The following PEX5L variants were observed in gnomAD, a reference collection of about 807,000 sequenced individuals.
PEX5L encodes the protein PEX5-related protein.
Under a neutral mutation model 84.0 loss-of-function variants are expected in PEX5L, and 30 were observed. That is an observed-to-expected ratio of 0.36 (90% CI 0.27 to 0.48). PEX5L has a LOEUF of 0.48. PEX5L is among the 20% of genes least tolerant of loss of function. The pLI, the probability that PEX5L is intolerant of heterozygous loss-of-function variation, is 0.99. For missense variants in PEX5L, 533 were observed against 754.6 expected, an observed-to-expected ratio of 0.71 and a Z score of 3.44; for synonymous variants, 270 against 283.1, an observed-to-expected ratio of 0.95 and a Z score of 0.46.
intron 1 of PEX5L, among the ~76,000 whole-genome samples, chr3:180,013,205 GC>G (rs2110476505): frequency 6.6e-6 from 1 of 152,246 alleles, no homozygotes; most frequent in Non-Finnish European, 1.5e-5. Context: ...ATATGCCCTA[GC>G]AATGTATTAC....
At chr3:179,861,050 G>A (rs1387890305) in intron 7 of PEX5L, among the ~76,000 whole-genome samples, 2 of 152,166 alleles carry the variant, frequency 1.3e-5, no homozygotes, top group South Asian at 2.1e-4. Context: ...AATTATGACC[G>A]TAAACAACAG....
chr3:179,945,329 A>G (rs1270490529), intron 2 of PEX5L, among the ~76,000 whole-genome samples: 1 of 152,126 alleles, frequency 6.6e-6, no homozygotes, highest in African/African-American at 2.4e-5. Flanking sequence ...TGGTGTCCCT[A>G]CTGAGAGAGG....
At chr3:179,944,357 GGTAGTCT>G (rs1776951584) in intron 2 of PEX5L, among the ~76,000 whole-genome samples, 1 of 152,178 alleles carries the variant, frequency 6.6e-6, no homozygotes. Context: ...GAAAGGCTCA[GGTAGTCT>G]GGGGACTTGA....
chr3:179,854,476 C>T (rs1743146166), intron 8 of PEX5L, among the ~76,000 whole-genome samples: 1 of 152,128 alleles, frequency 6.6e-6, no homozygotes, highest in Admixed American at 6.5e-5. Flanking sequence ...AGCCTGCATT[C>T]TTATAAATGT....
At chr3:179,999,776 A>G (rs1331752213) in intron 1 of PEX5L, among the ~76,000 whole-genome samples, 1 of 152,220 alleles carries the variant, frequency 6.6e-6, no homozygotes, top group Non-Finnish European at 1.5e-5. Context: ...TTATGGCTAA[A>G]GAAGTGTGGC....
chr3:179,814,627 T>C (rs1725323648), intron 10 of PEX5L, among the ~76,000 whole-genome samples: 1 of 152,250 alleles, frequency 6.6e-6, no homozygotes, highest in Non-Finnish European at 1.5e-5. Flanking sequence ...AACCATTATA[T>C]TGACACTATC....
At chr3:179,862,340 C>T (rs1304393078) in intron 7 of PEX5L, among the ~76,000 whole-genome samples, 1 of 152,194 alleles carries the variant, frequency 6.6e-6, no homozygotes, top group African/African-American at 2.4e-5. Flanking sequence ...TGATCTGACA[C>T]TTTTGGGCCA....
chr3:179,989,292 A>G lies in PEX5L; in HGVS notation c.22-17627T>C, dbSNP rs537183068. Among the ~76,000 whole-genome samples, 8 of 152,296 alleles carry G rather than the reference A, an allele frequency of 5.3e-5. No homozygotes were observed. The East Asian group carries it at 1.5e-3, about 29-fold the overall frequency. ...CATGATAATACTTTAAAATGAGACT[A>G]TCTCTACTAATGATTGACTGTTTTG... On this transcript the variant is annotated intron_variant, in intron 1 of 14. Coordinates refer to ENST00000467460, the MANE Select transcript of PEX5L (RefSeq NM_016559.3).
At chr3:179,849,567 T>C (rs1222016961) in intron 8 of PEX5L, among the ~76,000 whole-genome samples, 4 of 152,218 alleles carry the variant, frequency 2.6e-5, no homozygotes, top group Non-Finnish European at 5.9e-5. Flanking sequence ...GTTTAACATG[T>C]GATTCCTGGG....
At chr3:179,990,555 C>A (rs1018682680) in intron 1 of PEX5L, among the ~76,000 whole-genome samples, 4 of 152,122 alleles carry the variant, frequency 2.6e-5, no homozygotes, top group Non-Finnish European at 5.9e-5. Flanking sequence ...CACAGCACCA[C>A]ACCAAACTAT....
At chr3:180,024,660 T>A (rs1311623849) in intron 1 of PEX5L, among the ~76,000 whole-genome samples, 3 of 151,770 alleles carry the variant, frequency 2.0e-5, no homozygotes, top group Non-Finnish European at 2.9e-5. Context: ...CTTCCTTGGA[T>A]CTGATGTGAA....
At chr3:179,997,935 T>C (rs1170132967) in intron 1 of PEX5L, among the ~76,000 whole-genome samples, 1 of 152,204 alleles carries the variant, frequency 6.6e-6, no homozygotes, top group Non-Finnish European at 1.5e-5. Context: ...TGTGTCATAA[T>C]CTTATTCAAA....
chr3:179,841,892 A>G (rs1283550157), intron 8 of PEX5L, among the ~76,000 whole-genome samples: 1 of 152,222 alleles, frequency 6.6e-6, no homozygotes, highest in Non-Finnish European at 1.5e-5. Flanking sequence ...TTAGAAATGT[A>G]TCAATTTCAC....
At chr3:179,875,538 TGGCGGGGAGTGGGGTGAG>T in intron 5 of PEX5L, 61 bp from the exon 6 acceptor site, 1 of 732,430 alleles carries the variant, frequency 1.4e-6, no homozygotes, top group Non-Finnish European at 2.2e-6. Context: ...GGGGGAGCGG[TGGCGGGGAGTGGGGTGAG>T]GGTGGAGCGT....
chr3:180,028,005 T>C (rs890813322), intron 1 of PEX5L, among the ~76,000 whole-genome samples: 5 of 152,236 alleles, frequency 3.3e-5, no homozygotes, highest in African/African-American at 1.2e-4. Flanking sequence ...ACATGCTCCA[T>C]CTGTCCATTA....
intron 8 of PEX5L, among the ~76,000 whole-genome samples, chr3:179,825,561 C>A (rs1450995890): frequency 6.6e-6 from 1 of 151,774 alleles, no homozygotes; most frequent in African/African-American, 2.4e-5. Flanking sequence ...TCCCCTTTCT[C>A]AATCTAAACA....
intron 1 of PEX5L, among the ~76,000 whole-genome samples, chr3:180,022,639 G>A (rs1275200040): frequency 3.9e-5 from 6 of 152,152 alleles, no homozygotes; most frequent in Non-Finnish European, 2.9e-5. Context: ...TTTGAGTGGG[G>A]ATATTTCAGC....
At chr3:179,831,811 A>G (rs1010102688) in intron 8 of PEX5L, among the ~76,000 whole-genome samples, 20 of 152,204 alleles carry the variant, frequency 1.3e-4, no homozygotes, top group African/African-American at 3.9e-4. Flanking sequence ...AAAAGCTAGG[A>G]GAAGGATTAC....
intron 1 of PEX5L, among the ~76,000 whole-genome samples, chr3:179,982,005 A>G (rs1045010545): frequency 6.6e-6 from 1 of 152,238 alleles, no homozygotes; most frequent in Non-Finnish European, 1.5e-5. Flanking sequence ...GGATATCATC[A>G]AACCTAATGT....
Sources: gnomAD v4.1 joint callset for allele counts (sites outside exome capture counted in the v4.1 genomes callset) on GRCh38, gnomAD v4.1.1 for gene constraint, MANE v1.5 for transcripts, NCBI Gene and HGNC (gene_info 2026-07-23, HGNC 2026-07-21) for gene names.